The following CTDP1 variants were observed in gnomAD, a reference collection of about 807,000 sequenced individuals.
CTDP1 encodes RNA polymerase II subunit A C-terminal domain phosphatase.
In CTDP1, 47 loss-of-function variants were observed where a neutral mutation model predicts 91.8. That is an observed-to-expected ratio of 0.51 (90% CI 0.41 to 0.65). CTDP1 has a LOEUF of 0.65. CTDP1 is among the 30% of genes least tolerant of loss of function. The pLI is 0.00. For missense variants in CTDP1, 1,272 were observed against 1,373.7 expected (o/e 0.93, Z 1.17); for synonymous variants, 656 against 598.5 (o/e 1.10, Z -1.40).
intron 12 of CTDP1, among the ~76,000 whole-genome samples, chr18:79,742,114 G>GTCGCGGGAGA (rs1388298173): frequency 2.9e-4 from 3 of 10,438 alleles, no homozygotes; most frequent in Non-Finnish European, 7.3e-4. Context: ...GGCATGAGGT[G>GTCGCGGGAGA]GAGGCCTGGG....
At chr18:79,679,520 G>T, upstream of CTDP1, 1 of 458,574 alleles carries the variant, frequency 2.2e-6, no homozygotes, top group South Asian at 1.5e-5. Flanking sequence ...GGGACTCGTA[G>T]TCCCGCCATG....
chr18:79,693,965 G>A (rs1008726738), intron 1 of CTDP1, among the ~76,000 whole-genome samples: 1 of 152,232 alleles, frequency 6.6e-6, no homozygotes, highest in Admixed American at 6.5e-5. Context: ...GGCACAGTGG[G>A]CATGGAGGAT....
At position 79,704,493 on chromosome 18, in the gene CTDP1, C is replaced by T. The variant is rs569976961; in HGVS notation, c.622-274C>T. On this transcript the variant is annotated intron_variant, in intron 4 of 12. Coordinates refer to ENST00000613122, the MANE Select transcript of CTDP1 (RefSeq NM_004715.5). ...TCCCGTGTGGAGGGGCGTGTACATG[C>T]TCACATGTGTCCTCTGTCCCGTGTG... is the stretch of plus-strand genomic sequence containing the variant. Among the ~76,000 whole-genome samples the T allele has an allele frequency of 2.6e-5, 4 of 152,054 alleles. No homozygotes were observed. In the South Asian group the frequency reaches 8.3e-4, roughly 32 times the overall value.
rs777163921 is a variant in CTDP1 at position 79,680,025 on chromosome 18, G to A, written c.78G>A (p.Gly26=). 16 of 1,265,552 alleles carry A rather than the reference G, an allele frequency of 1.3e-5. No homozygotes were observed. The highest frequency in any genetic ancestry group is 3.2e-5 in the African/African-American group (2 of 63,452). The allele number at this position is 1,265,552 out of a possible 1,614,324, so 78.4% of individuals were successfully genotyped here. ...TAAVAEVRCP[G]PAPLRLLEWR... Reference sequence around the variant, plus strand: ...CTGTGGCCGAGGTGCGCTGCCCGGGGCCCGCGCCGCTGCGCCTGCTGGAGT... The same window carrying A: ...CTGTGGCCGAGGTGCGCTGCCCGGGACCCGCGCCGCTGCGCCTGCTGGAGT... The change falls in exon 1 of 13, where the codon GGG becomes GGA. Residue 26 remains glycine (G), a synonymous_variant. Coordinates refer to ENST00000613122, the MANE Select transcript of CTDP1 (RefSeq NM_004715.5).
At chr18:79,736,117 C>G in intron 11 of CTDP1, 1 of 589,808 alleles carries the variant, frequency 1.7e-6, no homozygotes, top group Non-Finnish European at 3.1e-6. Context: ...GGAATTTAAA[C>G]CCAATCTTTG....
At chr18:79,739,299 G>A (rs1453581766) in intron 12 of CTDP1, among the ~76,000 whole-genome samples, 3 of 152,282 alleles carry the variant, frequency 2.0e-5, no homozygotes, top group East Asian at 1.9e-4. Context: ...TGCTGCATCC[G>A]TGTCTCCCCC....
At chr18:79,704,718 C>G in intron 4 of CTDP1, 49 bp from the exon 5 acceptor site, 1 of 1,609,634 alleles carries the variant, frequency 6.2e-7, no homozygotes, top group East Asian at 2.2e-5. Flanking sequence ...CGGGGGCGGC[C>G]GGGGCTCCTC....
At chr18:79,684,143 C>T (rs544230068) in intron 1 of CTDP1, among the ~76,000 whole-genome samples, 12 of 152,302 alleles carry the variant, frequency 7.9e-5, no homozygotes, top group Non-Finnish European at 1.5e-4. Context: ...CCCCACTGGC[C>T]GCCGGCTGCT....
intron 5 of CTDP1, among the ~76,000 whole-genome samples, chr18:79,706,538 G>A (rs935421912): frequency 2.6e-5 from 4 of 152,048 alleles, no homozygotes; most frequent in Non-Finnish European, 5.9e-5. Context: ...TCATATCCAT[G>A]GCTGTCCCCT....
chr18:79,736,555 C>T (rs1027432458), intron 12 of CTDP1, 34 bp downstream of exon 12: 7 of 1,507,152 alleles, frequency 4.6e-6, no homozygotes, highest in Middle Eastern at 2.4e-4. Context: ...AGGGGCCTGA[C>T]ACGGGCTCCC....
chr18:79,728,130 T>A (rs1244182945), intron 10 of CTDP1, among the ~76,000 whole-genome samples: 4 of 152,132 alleles, frequency 2.6e-5, no homozygotes, highest in Non-Finnish European at 5.9e-5. Flanking sequence ...GGTGGAGTCT[T>A]GCTCTGTTGC....
chr18:79,682,218 C>T (rs540334741), intron 1 of CTDP1, among the ~76,000 whole-genome samples: 1 of 152,322 alleles, frequency 6.6e-6, no homozygotes, highest in Non-Finnish European at 1.5e-5. Context: ...GGGGGGCTGC[C>T]GTTGGGAGCC....
chr18:79,706,204 C>T (rs556615569), intron 5 of CTDP1, among the ~76,000 whole-genome samples: 3 of 152,312 alleles, frequency 2.0e-5, no homozygotes, highest in South Asian at 4.1e-4. Flanking sequence ...AAGTTGCTGG[C>T]GCCGTGGTCG....
intron 4 of CTDP1, among the ~76,000 whole-genome samples, chr18:79,704,500 G>A (rs555426587): frequency 8.6e-5 from 13 of 151,486 alleles, no homozygotes; most frequent in Middle Eastern, 6.9e-3. Flanking sequence ...ATGCTCACAT[G>A]TGTCCTCTGT....
intron 12 of CTDP1, among the ~76,000 whole-genome samples, chr18:79,750,504 T>TC (rs1302610700): frequency 1.9e-4 from 28 of 150,640 alleles, no homozygotes; most frequent in East Asian, 3.9e-4. Flanking sequence ...CCTTTTTTTT[T>TC]CCCCCCCGAG....
chr18:79,696,026 G>C lies in CTDP1; in HGVS notation c.448G>C (p.Val150Leu), dbSNP rs768519389. 6.2e-7 allele frequency: 1 copy of C among 1,612,560 alleles called. No homozygotes were observed. Among genetic ancestry groups the C allele is most frequent in the Non-Finnish European group, 8.5e-7 (1 of 1,180,032 alleles). ...KQQVPLSTAT[V>L]SMVHSVPELM... Reference sequence around the variant, plus strand: ...GCAGGTGCCGCTGTCCACGGCGACCGTGTCCATGGTGCACAGCGTGCCGGA... The same window carrying C: ...GCAGGTGCCGCTGTCCACGGCGACCCTGTCCATGGTGCACAGCGTGCCGGA... Residue 150 changes from valine to leucine, a missense_variant, in exon 3 of 13, where the codon GTG becomes CTG. Physicochemically the swap from Val to Leu is conservative, Grantham distance 32. This residue lies in a region of CTDP1 where 177 missense variants were observed against 283.0 expected (regional missense o/e 0.63). Coordinates refer to ENST00000613122, the MANE Select transcript of CTDP1 (RefSeq NM_004715.5).
chr18:79,693,074 T>C (rs2085657671), intron 1 of CTDP1, among the ~76,000 whole-genome samples: 1 of 152,096 alleles, frequency 6.6e-6, no homozygotes, highest in South Asian at 2.1e-4. Flanking sequence ...GGAGCCTGGA[T>C]GTGGAGGCCC....
chr18:79,752,118 T>C (rs182282786), intron 12 of CTDP1, among the ~76,000 whole-genome samples: 49 of 152,388 alleles, frequency 3.2e-4, no homozygotes, highest in Admixed American at 2.9e-3. Context: ...GGGGATCTCC[T>C]GGGTGTGCCC....
chr18:79,754,194 C>T lies in CTDP1; in HGVS notation c.*404C>T, dbSNP rs367693899. On this transcript the variant is annotated 3_prime_UTR_variant, in exon 13 of 13. Coordinates refer to ENST00000613122, the MANE Select transcript of CTDP1 (RefSeq NM_004715.5). ...GTTTAAGCAGGACAGTGTGCGTGCA[C>T]GAGCTCCGAGCCCAGCACAGACATG... The T allele has an allele frequency of 3.8e-4, 109 of 286,966 alleles. 1 individual carries two copies. Among genetic ancestry groups the T allele is most frequent in the South Asian group, 3.5e-3 (103 of 29,832 alleles). 17.8% of individuals were successfully genotyped at this position (286,966 alleles called of 1,614,324 possible). A position where few individuals can be genotyped will look rare whatever the true frequency, so the allele number is the denominator to read the frequency against.
Sources: allele counts gnomAD v4.1 joint callset (sites outside exome capture counted in the v4.1 genomes callset), GRCh38; gene constraint gnomAD v4.1.1; regional missense constraint gnomAD v4.1.1; transcripts MANE v1.5; gene names NCBI Gene and HGNC (gene_info 2026-07-23, HGNC 2026-07-21).